TENM3: variants seen among roughly 807,000 people sequenced by gnomAD.
TENM3 encodes teneurin transmembrane protein 3.
Under a neutral mutation model 255.1 loss-of-function variants are expected in TENM3, and 63 were observed. The observed-to-expected ratio is 0.25, with a 90% CI of 0.20 to 0.30. TENM3 has a LOEUF of 0.30. Among genes scored for constraint, TENM3 ranks in the 10% least tolerant of loss-of-function variants. TENM3 has a pLI of 1.00. For missense variants in TENM3, 2,929 were observed against 3,461.1 expected, an observed-to-expected ratio of 0.85 and a Z score of 3.86; for synonymous variants, 1,306 against 1,322.3, an observed-to-expected ratio of 0.99 and a Z score of 0.27.
chr4:181,709,788 T>C, the TENM3 span, among the ~76,000 whole-genome samples: 1 of 152,192 alleles, frequency 6.6e-6, no homozygotes, highest in Admixed American at 6.5e-5. Flanking sequence ...AGTGGTTAGA[T>C]TCAGGACTTA....
intron 13 of TENM3, among the ~76,000 whole-genome samples, chr4:182,717,731 T>C (rs960592619): frequency 6.6e-6 from 1 of 152,226 alleles, no homozygotes; most frequent in African/African-American, 2.4e-5. Flanking sequence ...CCTGTCCTAA[T>C]TGAGAAAGCT....
chr4:182,322,657 G>A (rs1349069712), intron 1 of TENM3, among the ~76,000 whole-genome samples: 1 of 152,180 alleles, frequency 6.6e-6, no homozygotes, highest in Admixed American at 6.5e-5. Context: ...GCTGTATGAT[G>A]TGTATACTGA....
the TENM3 span, among the ~76,000 whole-genome samples, chr4:181,775,328 T>C: frequency 1.3e-5 from 2 of 152,158 alleles, no homozygotes; most frequent in Non-Finnish European, 2.9e-5. Context: ...GTTATTTCTG[T>C]GTTTGATTTC....
chr4:182,342,240 G>A (rs752427930), intron 2 of TENM3, among the ~76,000 whole-genome samples: 1 of 152,188 alleles, frequency 6.6e-6, no homozygotes, highest in Non-Finnish European at 1.5e-5. Context: ...TAACTCAAAT[G>A]TCCATTAACT....
the TENM3 span, among the ~76,000 whole-genome samples, chr4:182,127,265 A>C: frequency 1.3e-5 from 2 of 152,374 alleles, no homozygotes; most frequent in Non-Finnish European, 2.9e-5. Flanking sequence ...AAAACATAGC[A>C]TCCTGTGTAT....
At chr4:181,479,343 C>T in the TENM3 span, among the ~76,000 whole-genome samples, 7 of 152,118 alleles carry the variant, frequency 4.6e-5, no homozygotes, top group South Asian at 2.1e-4. Context: ...CAATTGCCTA[C>T]GCATCACAAA....
At chr4:181,624,724 G>C in the TENM3 span, among the ~76,000 whole-genome samples, 5 of 152,184 alleles carry the variant, frequency 3.3e-5, no homozygotes, top group Admixed American at 3.3e-4. Flanking sequence ...TCAAAACTTA[G>C]TAATTAAAAT....
At chr4:182,577,519 C>G (rs1353005367) in intron 3 of TENM3, among the ~76,000 whole-genome samples, 1 of 152,194 alleles carries the variant, frequency 6.6e-6, no homozygotes, top group Non-Finnish European at 1.5e-5. Flanking sequence ...ACTCTGCCAT[C>G]TGCAGTATTG....
intron 3 of TENM3, among the ~76,000 whole-genome samples, chr4:182,425,763 G>A (rs1580496063): frequency 6.6e-6 from 1 of 152,096 alleles, no homozygotes; most frequent in Non-Finnish European, 1.5e-5. Context: ...TAATCCCAGC[G>A]CTTTCGGAGG....
chr4:182,511,003 G>A (rs1205010311), intron 3 of TENM3, among the ~76,000 whole-genome samples: 1 of 152,188 alleles, frequency 6.6e-6, no homozygotes, highest in South Asian at 2.1e-4. Flanking sequence ...CTGTCAAACA[G>A]TGGATTCCCC....
At chr4:182,038,090 A>G in the TENM3 span, among the ~76,000 whole-genome samples, 1 of 152,182 alleles carries the variant, frequency 6.6e-6, no homozygotes, top group Non-Finnish European at 1.5e-5. Flanking sequence ...GTACTTTCAA[A>G]CACACAACAC....
chr4:181,549,160 C>T, the TENM3 span, among the ~76,000 whole-genome samples: 3 of 152,158 alleles, frequency 2.0e-5, no homozygotes, highest in East Asian at 5.8e-4. Flanking sequence ...CCTATACTCC[C>T]ACCCCAACCT....
chr4:182,530,512 T>C (rs1247713835), intron 3 of TENM3, among the ~76,000 whole-genome samples: 2 of 152,188 alleles, frequency 1.3e-5, no homozygotes, highest in Admixed American at 1.3e-4. Context: ...TTCCTCGTCT[T>C]AGTACTAGCG....
intron 1 of TENM3, among the ~76,000 whole-genome samples, chr4:182,310,793 G>A (rs1386699011): frequency 5.9e-5 from 9 of 151,692 alleles, no homozygotes; most frequent in African/African-American, 2.2e-4. Flanking sequence ...TGCAGCCTCC[G>A]TCTCCTGGGT....
the TENM3 span, among the ~76,000 whole-genome samples, chr4:181,628,635 G>A: frequency 6.6e-6 from 1 of 152,174 alleles, no homozygotes; most frequent in African/African-American, 2.4e-5. Flanking sequence ...TTGAAGATCA[G>A]ATGGTTGTAG....
At chr4:182,132,344 C>T in the TENM3 span, among the ~76,000 whole-genome samples, 1 of 151,880 alleles carries the variant, frequency 6.6e-6, no homozygotes, top group African/African-American at 2.4e-5. Flanking sequence ...ATTAGCCAGA[C>T]CTGGTTGTGA....
At chr4:182,288,545 C>T (rs1410667476) in intron 1 of TENM3, among the ~76,000 whole-genome samples, 1 of 152,156 alleles carries the variant, frequency 6.6e-6, no homozygotes, top group Non-Finnish European at 1.5e-5. Flanking sequence ...TTTCAATAAA[C>T]AGCGGTTGAA....
chr4:181,661,529 C>T, the TENM3 span, among the ~76,000 whole-genome samples: 1 of 152,052 alleles, frequency 6.6e-6, no homozygotes, highest in African/African-American at 2.4e-5. Flanking sequence ...ATATCTAGAG[C>T]AAAGCTGTAA....
chr4:181,480,448 A>T, the TENM3 span, among the ~76,000 whole-genome samples: 3 of 152,156 alleles, frequency 2.0e-5, no homozygotes, highest in Non-Finnish European at 1.5e-5. Flanking sequence ...TCAACGTTTG[A>T]TGTTAACCAA....
Sources: allele counts gnomAD v4.1 joint callset (sites outside exome capture counted in the v4.1 genomes callset), GRCh38; gene constraint gnomAD v4.1.1; transcripts MANE v1.5; gene names NCBI Gene and HGNC (gene_info 2026-07-23, HGNC 2026-07-21).